Variants in DMD observed in about 807,000 individuals in gnomAD.
DMD encodes mutant dystrophin.
A neutral mutation model predicts 330.1 loss-of-function variants in DMD; 63 were observed. That is an observed-to-expected ratio of 0.19 (90% CI 0.16 to 0.24). The LOEUF is 0.24. DMD is among the 10% of genes least tolerant of loss of function. The pLI, the probability that DMD is intolerant of heterozygous loss-of-function variation, is 1.00. For missense variants in DMD, 3,344 were observed against 2,684.1 expected (o/e 1.25, Z -5.43); for synonymous variants, 1,223 against 959.8 (o/e 1.27, Z -5.07).
intron 12 of DMD, among the ~76,000 whole-genome samples, chrX:32,612,270 T>A (rs1301777029): frequency 2.7e-5 from 3 of 110,867 alleles, no homozygotes; most frequent in Non-Finnish European, 5.7e-5. Context: ...TAAGGGCAGC[T>A]CTGGTGGCAC....
At chrX:32,558,945 T>C (rs1195823995) in intron 16 of DMD, among the ~76,000 whole-genome samples, 11 of 40,145 alleles carry the variant, frequency 2.7e-4, no homozygotes, top group African/African-American at 8.3e-4. Flanking sequence ...TTTCTTTTTT[T>C]TTTTTTTTTT....
chrX:31,284,557 T>TTTCTCCTTCTTC (rs2052893331), intron 62 of DMD, among the ~76,000 whole-genome samples: 1 of 78,066 alleles, frequency 1.3e-5, no homozygotes, highest in Non-Finnish European at 2.4e-5. Flanking sequence ...TAACGAACTG[T>TTTCTCCTTCTTC]TTCTTCTTCT....
chrX:31,794,159 T>C (rs1435468678), intron 50 of DMD, among the ~76,000 whole-genome samples: 1 of 111,980 alleles, frequency 8.9e-6, no homozygotes, highest in Non-Finnish European at 1.9e-5. Flanking sequence ...GATTATAGTA[T>C]ACGTCTAAAA....
intron 50 of DMD, among the ~76,000 whole-genome samples, chrX:31,796,461 A>G (rs747786554): frequency 8.9e-6 from 1 of 112,255 alleles, no homozygotes; most frequent in African/African-American, 3.2e-5. Flanking sequence ...ATTTTCAGAA[A>G]ATAATGATAA....
At chrX:32,737,970 A>C (rs1253400155) in intron 7 of DMD, among the ~76,000 whole-genome samples, 2 of 112,039 alleles carry the variant, frequency 1.8e-5, no homozygotes, top group Non-Finnish European at 3.8e-5. Flanking sequence ...TTAAAGCATT[A>C]CTAGGAGATT....
chrX:32,988,463 C>T (rs949239169), intron 2 of DMD, among the ~76,000 whole-genome samples: 8 of 112,072 alleles, frequency 7.1e-5, no homozygotes, highest in African/African-American at 2.6e-4. Flanking sequence ...AATAAGTTTG[C>T]TTCCTGAGCT....
At chrX:32,061,396 G>A (rs1047251479) in intron 44 of DMD, among the ~76,000 whole-genome samples, 3 of 111,011 alleles carry the variant, frequency 2.7e-5, no homozygotes, top group East Asian at 2.9e-4. Context: ...GTCTCAGTAC[G>A]ATGACAAGAA....
At chrX:32,280,153 TATATATATACA>T (rs1480990683) in intron 43 of DMD, among the ~76,000 whole-genome samples, 1 of 19,384 alleles carries the variant, frequency 5.2e-5, no homozygotes, top group Non-Finnish European at 9.2e-5. Flanking sequence ...AGTATATATA[TATATATATACA>T]GTATATATAT....
At chrX:31,541,274 T>G (rs756500742) in intron 55 of DMD, among the ~76,000 whole-genome samples, 1 of 112,080 alleles carries the variant, frequency 8.9e-6, no homozygotes, top group Non-Finnish European at 1.9e-5. Flanking sequence ...TTGGAACAAC[T>G]TAGGAATGTG....
At chrX:31,319,106 G>C (rs1051142341) in intron 62 of DMD, among the ~76,000 whole-genome samples, 1 of 112,059 alleles carries the variant, frequency 8.9e-6, no homozygotes, top group African/African-American at 3.2e-5. Flanking sequence ...TTCTTCATGA[G>C]TGAGTGGAAA....
chrX:32,561,343 G>C (rs767105441), intron 16 of DMD, among the ~76,000 whole-genome samples: 2 of 111,118 alleles, frequency 1.8e-5, no homozygotes, highest in South Asian at 7.6e-4. Flanking sequence ...AACGCAATAC[G>C]ACAACTCCAC....
chrX:32,722,820 A>G (rs1425819851), intron 7 of DMD, among the ~76,000 whole-genome samples: 3 of 110,856 alleles, frequency 2.7e-5, no homozygotes, highest in African/African-American at 9.8e-5. Flanking sequence ...TAGTTCTAAC[A>G]TTTTTCTTGT....
intron 64 of DMD, among the ~76,000 whole-genome samples, chrX:31,219,644 C>T (rs374369860): frequency 9.1e-5 from 10 of 110,229 alleles, no homozygotes; most frequent in African/African-American, 3.0e-4. Flanking sequence ...ATTACCTGCC[C>T]GTATTCTCTG....
intron 1 of DMD, among the ~76,000 whole-genome samples, chrX:33,149,439 C>T (rs1278683290): frequency 3.6e-5 from 4 of 112,069 alleles, no homozygotes; most frequent in African/African-American, 6.5e-5. Flanking sequence ...ACTGGCTCAC[C>T]GCTCGCCTCC....
chrX:32,075,567 A>G (rs185377547), intron 44 of DMD, among the ~76,000 whole-genome samples: 7 of 111,897 alleles, frequency 6.3e-5, no homozygotes, highest in African/African-American at 2.3e-4. Context: ...CTTTCTTGTG[A>G]AACCGTTGTT....
chrX:33,038,450 A>T (rs760139732), intron 1 of DMD, among the ~76,000 whole-genome samples: 6 of 112,138 alleles, frequency 5.4e-5, no homozygotes, highest in African/African-American at 1.9e-4. Context: ...TCTCCTAATT[A>T]ACAAGTTTAA....
At chrX:32,288,319 T>C (rs1254161813) in intron 42 of DMD, among the ~76,000 whole-genome samples, 5 of 111,973 alleles carry the variant, frequency 4.5e-5, no homozygotes, top group Non-Finnish European at 9.4e-5. Flanking sequence ...GTAATTCAAT[T>C]AACAATTACT....
At chrX:32,704,232 C>T (rs1182205740) in intron 7 of DMD, among the ~76,000 whole-genome samples, 2 of 94,056 alleles carry the variant, frequency 2.1e-5, no homozygotes. Context: ...CACTACACTG[C>T]CATGGTACCT....
intron 43 of DMD, among the ~76,000 whole-genome samples, chrX:32,224,723 T>C (rs757630263): frequency 8.9e-6 from 1 of 111,955 alleles, no homozygotes; most frequent in African/African-American, 3.2e-5. Flanking sequence ...TGTAACACTC[T>C]ATTTTATTGA....
Sources: allele counts gnomAD v4.1 joint callset (sites outside exome capture counted in the v4.1 genomes callset), GRCh38; gene constraint gnomAD v4.1.1; transcripts MANE v1.5; gene names NCBI Gene and HGNC (gene_info 2026-07-23, HGNC 2026-07-21).